CECR2: variants seen among roughly 807,000 people sequenced by gnomAD.
The protein encoded by CECR2 is chromatin remodeling regulator CECR2.
In CECR2, 30 loss-of-function variants were observed where a neutral mutation model predicts 154.5. The ratio of observed to expected loss-of-function variants is 0.19; its 90% confidence interval spans 0.15 to 0.26. The LOEUF (loss-of-function observed/expected upper bound fraction) is 0.26, where lower values mean the gene tolerates loss of function less well. Among genes scored for constraint, CECR2 ranks in the 10% least tolerant of loss-of-function variants. The probability of loss-of-function intolerance (pLI) is 1.00; values close to 1 mark genes in which losing one functional copy is unlikely to be tolerated. For synonymous variants in CECR2, 725 were observed against 683.7 expected (o/e 1.06, Z -0.94); for missense variants, 1,743 against 1,829.3 (o/e 0.95, Z 0.86).
chr22:17,465,210 A>T (rs1484899047), intron 1 of CECR2, among the ~76,000 whole-genome samples: 4 of 151,806 alleles, frequency 2.6e-5, no homozygotes, highest in Admixed American at 2.0e-4. Flanking sequence ...GTTAGCCAGG[A>T]TGGTCTTGAT....
intron 1 of CECR2, among the ~76,000 whole-genome samples, chr22:17,388,839 AG>A (rs2063295592): frequency 6.6e-6 from 1 of 151,738 alleles, no homozygotes; most frequent in South Asian, 2.1e-4. Flanking sequence ...TTTGAGGTGG[AG>A]TCTCACTCTG....
chr22:17,550,758 C>T (rs925841352), intron 17 of CECR2, among the ~76,000 whole-genome samples: 39 of 152,168 alleles, frequency 2.6e-4, no homozygotes, highest in African/African-American at 7.5e-4. Flanking sequence ...CTGGCTAACA[C>T]GGTGAAACCC....
At chr22:17,399,606 C>T (rs545227128) in intron 1 of CECR2, among the ~76,000 whole-genome samples, 20 of 152,006 alleles carry the variant, frequency 1.3e-4, no homozygotes, top group African/African-American at 4.3e-4. Flanking sequence ...TTAGTAGAGA[C>T]GGGGTTTCAC....
chr22:17,475,739 A>G (rs1347605426), intron 1 of CECR2, among the ~76,000 whole-genome samples: 1 of 152,102 alleles, frequency 6.6e-6, no homozygotes, highest in Non-Finnish European at 1.5e-5. Flanking sequence ...AGTCACTGGG[A>G]GGCTTGCCCA....
At position 17,534,530 on chromosome 22, in the gene CECR2, C is replaced by T. The variant is rs1007497450; in HGVS notation, c.1109-2573C>T. On this transcript the variant is annotated intron_variant, in intron 9 of 18. Coordinates refer to ENST00000262608, the MANE Select transcript of CECR2 (RefSeq NM_001290047.2). The stretch of plus-strand genomic sequence containing the variant: ...TTATTTATTTATTTATTTTTTGAGA[C>T]GGAGTCTCACTCTGTCGCCCAGGCT... Among the ~76,000 whole-genome samples, 10 of 151,564 alleles carry T rather than the reference C, an allele frequency of 6.6e-5. No homozygotes were observed. In the East Asian group the frequency reaches 7.9e-4, roughly 12 times the overall value.
At chr22:17,491,298 T>TA (rs747580682) in intron 2 of CECR2, among the ~76,000 whole-genome samples, 1 of 152,164 alleles carries the variant, frequency 6.6e-6, no homozygotes, top group Non-Finnish European at 1.5e-5. Context: ...GCTGCACACT[T>TA]AGCCTTCCCA....
At chr22:17,512,805 AAGGGTCC>A (rs981288752) in intron 8 of CECR2, among the ~76,000 whole-genome samples, 16 of 152,092 alleles carry the variant, frequency 1.1e-4, no homozygotes, top group Non-Finnish European at 2.2e-4. Flanking sequence ...TGGACCTGAA[AAGGGTCC>A]AGGAATGAGA....
intron 1 of CECR2, chr22:17,418,650 T>C: frequency 3.9e-6 from 1 of 256,464 alleles, no homozygotes; most frequent in Non-Finnish European, 7.4e-6. Flanking sequence ...TCTCGCTGTG[T>C]GCCAGACACT....
At chr22:17,434,841 C>G (rs931687959) in intron 1 of CECR2, among the ~76,000 whole-genome samples, 1 of 151,996 alleles carries the variant, frequency 6.6e-6, no homozygotes, top group African/African-American at 2.4e-5. Flanking sequence ...CTGGGTGTTA[C>G]AGTGAAAGGA....
At chr22:17,523,865 A>G (rs1394629021) in intron 8 of CECR2, among the ~76,000 whole-genome samples, 2 of 152,138 alleles carry the variant, frequency 1.3e-5, no homozygotes, top group Non-Finnish European at 2.9e-5. Flanking sequence ...TAAATTATCC[A>G]TAAGATTGTC....
chr22:17,455,513 T>A (rs537983995), intron 1 of CECR2, among the ~76,000 whole-genome samples: 59 of 152,238 alleles, frequency 3.9e-4, no homozygotes, highest in Non-Finnish European at 7.2e-4. Context: ...TTATAGTTCA[T>A]GGTCTATCAT....
At chr22:17,517,365 A>G (rs149271998) in intron 8 of CECR2, among the ~76,000 whole-genome samples, 2,071 of 152,288 alleles carry the variant, frequency 0.014, 38 homozygotes, top group African/African-American at 0.047. Context: ...TTGTGAGTCA[A>G]TTAAGCCTCT....
intron 1 of CECR2, among the ~76,000 whole-genome samples, chr22:17,379,403 C>G (rs1314093641): frequency 6.6e-6 from 1 of 152,156 alleles, no homozygotes; most frequent in Non-Finnish European, 1.5e-5. Context: ...GGCCTGGCTG[C>G]CTAGTGCCGC....
intron 1 of CECR2, among the ~76,000 whole-genome samples, chr22:17,423,147 G>A (rs2054281901): frequency 6.6e-6 from 1 of 152,098 alleles, no homozygotes; most frequent in Non-Finnish European, 1.5e-5. Flanking sequence ...GGTGAGGGGT[G>A]GGAAAGCAGG....
At chr22:17,493,551 A>G (rs572809611) in intron 2 of CECR2, among the ~76,000 whole-genome samples, 9 of 152,310 alleles carry the variant, frequency 5.9e-5, no homozygotes, top group African/African-American at 2.2e-4. Flanking sequence ...AGGTTGATCT[A>G]CATACAAGGA....
chr22:17,417,889 G>A (rs2054178943), intron 1 of CECR2, among the ~76,000 whole-genome samples: 1 of 152,080 alleles, frequency 6.6e-6, no homozygotes, highest in Admixed American at 6.6e-5. Flanking sequence ...CCAAAGTGCT[G>A]ATACTACAGG....
chr22:17,516,967 G>A (rs1404356418), intron 8 of CECR2, among the ~76,000 whole-genome samples: 1 of 151,434 alleles, frequency 6.6e-6, no homozygotes, highest in Non-Finnish European at 1.5e-5. Context: ...CTGGAGTGCA[G>A]TGGCGTGATC....
intron 5 of CECR2, among the ~76,000 whole-genome samples, chr22:17,501,964 C>T (rs1194438863): frequency 1.3e-5 from 2 of 152,154 alleles, no homozygotes; most frequent in Non-Finnish European, 2.9e-5. Context: ...TTCTGGTTCA[C>T]GCTGGCCACG....
intron 1 of CECR2, among the ~76,000 whole-genome samples, chr22:17,420,258 C>T (rs544253948): frequency 6.6e-6 from 1 of 152,090 alleles, no homozygotes. Context: ...CTTTAGATTG[C>T]GATGGATTCC....
Sources: gnomAD v4.1 joint callset for allele counts (sites outside exome capture counted in the v4.1 genomes callset) on GRCh38, gnomAD v4.1.1 for gene constraint, MANE v1.5 for transcripts, NCBI Gene and HGNC (gene_info 2026-07-23, HGNC 2026-07-21) for gene names.